Variants in FMO3 observed in about 807,000 individuals in gnomAD.
The protein encoded by FMO3 is flavin containing dimethylaniline monoxygenase 3, also known as flavin-containing monooxygenase 3.
FMO3 carries 40 observed loss-of-function variants against 39.4 expected under a neutral mutation model. The observed-to-expected ratio is 1.02, with a 90% CI of 0.79 to 1.32. FMO3 has a LOEUF of 1.32. Ranked by LOEUF, FMO3 falls within the 40% of genes most tolerant of loss-of-function variation. The pLI is 0.00. For synonymous variants in FMO3, 219 were observed against 228.8 expected, an observed-to-expected ratio of 0.96 and a Z score of 0.39; for missense variants, 680 against 651.8, an observed-to-expected ratio of 1.04 and a Z score of -0.47.
intron 2 of FMO3, chr1:171,101,144 T>C (rs1469331351): frequency 6.6e-6 from 3 of 456,060 alleles, no homozygotes; most frequent in Non-Finnish European, 1.3e-5. Flanking sequence ...AATGCCAGCA[T>C]CCACCAGAAG....
At chr1:171,101,988 T>G (rs1655417709) in intron 2 of FMO3, among the ~76,000 whole-genome samples, 2 of 152,154 alleles carry the variant, frequency 1.3e-5, no homozygotes, top group Non-Finnish European at 2.9e-5. Flanking sequence ...GATTATCATC[T>G]CTTTAAACTT....
intron 8 of FMO3, 139 bp from the exon 9 acceptor site, chr1:171,116,961 G>A: frequency 1.4e-6 from 1 of 703,530 alleles, no homozygotes; most frequent in Non-Finnish European, 2.6e-6. Context: ...TGTATGTCAG[G>A]GTAGTGTGGG....
chr1:171,092,882 A>G (rs561825527), intron 2 of FMO3, 92 bp downstream of exon 2: 8 of 1,316,920 alleles, frequency 6.1e-6, no homozygotes, highest in African/African-American at 4.3e-5. Context: ...ACCTGCTACC[A>G]TGGCAGTTAT....
intron 3 of FMO3, among the ~76,000 whole-genome samples, chr1:171,105,199 T>A (rs1655587357): frequency 6.6e-6 from 1 of 152,120 alleles, no homozygotes; most frequent in African/African-American, 2.4e-5. Flanking sequence ...GGTGAGTACT[T>A]CCAAACTTGC....
In FMO3 at chr1:171,117,439, C is replaced by T; in HGVS notation, c.1596C>T (p.Thr532=). 1.2e-6 allele frequency: 2 copies of T among 1,611,460 alleles called. No homozygotes were observed. The highest frequency in any genetic ancestry group is 1.7e-6 in the Non-Finnish European group (2 of 1,177,968). The change falls in exon 9 of 9, where the codon ACC becomes ACT. Residue 532 remains threonine, a synonymous_variant. Transcript: ENST00000367755. The part of the protein sequence containing the change: ...ILLIAVFLVL[T] ...TAATCGCTGTTTTCCTTGTGTTGAC[C>T]TAATCATCATTTTCTCTAGGATTTC...
At chr1:171,104,005 A>G (rs1434291551) in intron 3 of FMO3, 32 bp downstream of exon 3, 1 of 1,490,980 alleles carries the variant, frequency 6.7e-7, no homozygotes, top group South Asian at 1.1e-5. Flanking sequence ...AGCTCTTGTC[A>G]TAATGCTGAA....
chr1:171,094,987 G>C (rs1269222072), intron 2 of FMO3, among the ~76,000 whole-genome samples: 1 of 152,038 alleles, frequency 6.6e-6, no homozygotes, highest in African/African-American at 2.4e-5. Context: ...TTGATATTTT[G>C]TTAGAAATTG....
chr1:171,097,045 G>GT (rs1224106285), intron 2 of FMO3, among the ~76,000 whole-genome samples: 6 of 150,446 alleles, frequency 4.0e-5, no homozygotes, highest in Admixed American at 6.7e-5. Flanking sequence ...GTGGTGTTTG[G>GT]TTTTTTGTCC....
At chr1:171,097,134 G>T (rs1655137646) in intron 2 of FMO3, among the ~76,000 whole-genome samples, 1 of 148,698 alleles carries the variant, frequency 6.7e-6, no homozygotes, top group African/African-American at 2.5e-5. Flanking sequence ...CATTTTTTAT[G>T]GCTGCATAGT....
chr1:171,096,059 A>T (rs868830675), intron 2 of FMO3, among the ~76,000 whole-genome samples: 2 of 51,642 alleles, frequency 3.9e-5, no homozygotes, highest in African/African-American at 3.1e-4. Flanking sequence ...AATATATAAT[A>T]TATATTATAT....
intron 3 of FMO3, among the ~76,000 whole-genome samples, chr1:171,104,373 C>A (rs1655546229): frequency 6.6e-6 from 1 of 151,300 alleles, no homozygotes; most frequent in Non-Finnish European, 1.5e-5. Flanking sequence ...ACATAGGAAG[C>A]TATATTTTCA....
chr1:171,103,448 T>A (rs1655496391), intron 2 of FMO3, among the ~76,000 whole-genome samples: 1 of 152,100 alleles, frequency 6.6e-6, no homozygotes, highest in South Asian at 2.1e-4. Context: ...CATCCACAGA[T>A]TCAACCCACC....
chr1:171,096,001 AT>A (rs1325858379), intron 2 of FMO3, among the ~76,000 whole-genome samples: 1 of 66,732 alleles, frequency 1.5e-5, no homozygotes, highest in African/African-American at 6.9e-5. Context: ...ATATTTTTAT[AT>A]ATTAATATAC....
At chr1:171,116,963 T>A (rs1656181827) in intron 8 of FMO3, 137 bp from the exon 9 acceptor site, 3 of 704,832 alleles carry the variant, frequency 4.3e-6, no homozygotes, top group Non-Finnish European at 5.2e-6. Flanking sequence ...TATGTCAGGG[T>A]AGTGTGGGAA....
At position 171,111,006 on chromosome 1, in the gene FMO3, G is replaced by C. The variant is rs758580639; in HGVS notation, c.827+9G>C. ...TTGATGCCTTTAAATGGGTAATGCA[G>C]AGCTAAACGTGATATGCCTGCTGGC... On this transcript the variant is annotated intron_variant, in intron 6 of 8. Coordinates refer to ENST00000367755, the MANE Select transcript of FMO3 (RefSeq NM_001002294.3). The C allele has an allele frequency of 2.5e-6, 4 of 1,609,348 alleles. No individual in the cohort carries two copies. The highest frequency in any genetic ancestry group is 3.4e-6 in the Non-Finnish European group (4 of 1,176,414).
chr1:171,108,255 T>G, intron 5 of FMO3, 34 bp downstream of exon 5: 1 of 1,612,228 alleles, frequency 6.2e-7, no homozygotes, highest in East Asian at 2.2e-5. Flanking sequence ...TGACTCTCGT[T>G]ACTGACAGAA....
chr1:171,093,477 G>A (rs1482523155), intron 2 of FMO3, among the ~76,000 whole-genome samples: 3 of 149,200 alleles, frequency 2.0e-5, no homozygotes, highest in Admixed American at 6.6e-5. Flanking sequence ...ATTCTCGCTG[G>A]GTAGTATTCC....
At chr1:171,092,992 A>C (rs533414117) in intron 2 of FMO3, among the ~76,000 whole-genome samples, 2 of 152,292 alleles carry the variant, frequency 1.3e-5, no homozygotes, top group Admixed American at 6.5e-5. Flanking sequence ...TGGGCTTTGA[A>C]ATTCTCCATT....
At chr1:171,112,028 T>A (rs1260233850) in intron 6 of FMO3, among the ~76,000 whole-genome samples, 1 of 151,468 alleles carries the variant, frequency 6.6e-6, no homozygotes, top group Non-Finnish European at 1.5e-5. Context: ...TCTGAAGGAG[T>A]TGAGGGAATG....
Sources: gnomAD v4.1 joint callset for allele counts (sites outside exome capture counted in the v4.1 genomes callset) on GRCh38, gnomAD v4.1.1 for gene constraint, MANE v1.5 for transcripts, NCBI Gene and HGNC (gene_info 2026-07-23, HGNC 2026-07-21) for gene names.